The following SLC13A3 variants were observed in gnomAD, a reference collection of about 807,000 sequenced individuals.
The protein encoded by SLC13A3 is solute carrier family 13 member 3, also known as Na(+)/dicarboxylate cotransporter 3.
Under a neutral mutation model 59.0 loss-of-function variants are expected in SLC13A3, and 40 were observed. The ratio of observed to expected loss-of-function variants is 0.68; its 90% CI spans 0.53 to 0.88. SLC13A3 has a LOEUF of 0.88. SLC13A3 is among the 40% of genes least tolerant of loss of function. The pLI is 0.00. For synonymous variants in SLC13A3, 317 were observed against 330.3 expected (o/e 0.96, Z 0.44); for missense variants, 699 against 783.2 (o/e 0.89, Z 1.28).
At chr20:46,610,177 T>C (rs2062480121) in intron 3 of SLC13A3, among the ~76,000 whole-genome samples, 1 of 152,254 alleles carries the variant, frequency 6.6e-6, no homozygotes, top group African/African-American at 2.4e-5. Context: ...TTCATAGAGC[T>C]GTTTTGAGAG....
chr20:46,624,213 A>G (rs950199674), intron 1 of SLC13A3, among the ~76,000 whole-genome samples: 1 of 152,206 alleles, frequency 6.6e-6, no homozygotes, highest in African/African-American at 2.4e-5. Context: ...TCTCCAGAAA[A>G]TAACCTATCT....
chr20:46,655,512 T>C (rs149699705), upstream of SLC13A3, among the ~76,000 whole-genome samples: 6 of 147,744 alleles, frequency 4.1e-5, no homozygotes, highest in African/African-American at 1.5e-4. Flanking sequence ...ATATATAATA[T>C]ATATTTTTAT....
intron 1 of SLC13A3, among the ~76,000 whole-genome samples, chr20:46,636,000 T>C (rs1310747727): frequency 6.6e-6 from 1 of 152,162 alleles, no homozygotes; most frequent in East Asian, 1.9e-4. Flanking sequence ...GAACCCTCAG[T>C]TTCAGGAACT....
At chr20:46,647,072 T>C (rs1273169496) in intron 1 of SLC13A3, among the ~76,000 whole-genome samples, 5 of 152,018 alleles carry the variant, frequency 3.3e-5, no homozygotes, top group Non-Finnish European at 1.5e-5. Flanking sequence ...GACACCTTTG[T>C]GCAAATTAGA....
intron 4 of SLC13A3, among the ~76,000 whole-genome samples, chr20:46,596,723 T>C (rs954052364): frequency 6.6e-6 from 1 of 152,314 alleles, no homozygotes; most frequent in South Asian, 2.1e-4. Flanking sequence ...TGAAAAGGCA[T>C]GTCACAGTAC....
At chr20:46,622,586 C>T (rs532073111) in intron 1 of SLC13A3, among the ~76,000 whole-genome samples, 1 of 150,814 alleles carries the variant, frequency 6.6e-6, no homozygotes, top group Admixed American at 6.6e-5. Flanking sequence ...CAAATTTGCT[C>T]CTCTAACTCA....
intron 9 of SLC13A3, among the ~76,000 whole-genome samples, chr20:46,578,787 G>T (rs1310242145): frequency 6.6e-6 from 1 of 152,090 alleles, no homozygotes; most frequent in Non-Finnish European, 1.5e-5. Context: ...GTGTAGTGAG[G>T]GAAGGTTTCT....
intron 1 of SLC13A3, among the ~76,000 whole-genome samples, chr20:46,683,878 C>A (rs1405461274): frequency 6.6e-6 from 1 of 152,190 alleles, no homozygotes; most frequent in African/African-American, 2.4e-5. Flanking sequence ...ACTGGACCAG[C>A]TGGTTTCGGT....
rs972088598 is a variant in SLC13A3 at position 46,558,112 on chromosome 20, T to C, written c.*1910A>G. ...ACAGTGTCCTATTAAGGAGAAATTA[T>C]AGCAGAGTAAGGGGGTGGAGAGTAA... On this transcript the variant is annotated 3_prime_UTR_variant, in exon 13 of 13. Coordinates refer to ENST00000279027, the MANE Select transcript of SLC13A3 (RefSeq NM_022829.6). 4 of 151,780 alleles carry C rather than the reference T, an allele frequency of 2.6e-5. No homozygotes were observed. Among genetic ancestry groups the C allele is most frequent in the African/African-American group, 9.7e-5 (4 of 41,242 alleles). The allele number at this position is 151,780 out of a possible 1,614,324, so 9.4% of individuals were successfully genotyped here. A position where few individuals can be genotyped will look rare whatever the true frequency, so the allele number is the denominator to read the frequency against.
Position 46,588,095 on chromosome 20 carries a change from T to G in SLC13A3, c.1085A>C (p.Lys362Thr). The change falls in exon 8 of 13, where the codon AAG becomes ACG. Residue 362 changes from lysine to threonine, a missense_variant. Transcript: ENST00000279027. Reference sequence around the variant, plus strand: ...GAGGCTGGCCCAGCCAGGGATGAACTTCGGGTCCCGGGTGAAGAGGAGGAT... The same window carrying G: ...GAGGCTGGCCCAGCCAGGGATGAACGTCGGGTCCCGGGTGAAGAGGAGGAT... ...FAILLFTRDP[K>T]FIPGWASLFN... The G allele has an allele frequency of 6.2e-7, 1 of 1,612,722 alleles. No homozygotes were observed. The highest frequency in any genetic ancestry group is 8.5e-7 in the Non-Finnish European group (1 of 1,179,260).
intron 1 of SLC13A3, among the ~76,000 whole-genome samples, chr20:46,624,238 T>C (rs1397539486): frequency 1.3e-5 from 2 of 152,258 alleles, no homozygotes; most frequent in Non-Finnish European, 2.9e-5. Context: ...GCTCTAGTTC[T>C]TCCTCTCTTC....
At chr20:46,566,461 T>C (rs1440204118) in intron 10 of SLC13A3, 71 bp from the exon 11 acceptor site, 4 of 1,526,428 alleles carry the variant, frequency 2.6e-6, no homozygotes, top group East Asian at 2.3e-5. Context: ...AGGGTTAGGA[T>C]AGATCACAAC....
upstream of SLC13A3, among the ~76,000 whole-genome samples, chr20:46,674,604 C>CGCGCGCGCGTGT (rs370861850): frequency 7.4e-4 from 95 of 127,936 alleles, no homozygotes; most frequent in African/African-American, 2.9e-3. Context: ...CGCGCGCGCG[C>CGCGCGCGCGTGT]GTGTGTGTGT....
In SLC13A3 at chr20:46,592,547, A is replaced by G. The variant is rs927584794; in HGVS notation, c.795-18T>C. 6.2e-7 allele frequency: 1 copy of G among 1,612,858 alleles called. No individual in the cohort carries two copies. Among genetic ancestry groups the G allele is most frequent in the Non-Finnish European group, 8.5e-7 (1 of 1,179,184 alleles). ...GAAAGAAACTGGAGAACAGCGGGAG[A>G]TGAGAACAGGCCAAGGGCAGCCATG... On this transcript the variant is annotated intron_variant, in intron 5 of 12. Coordinates refer to ENST00000279027, the MANE Select transcript of SLC13A3 (RefSeq NM_022829.6).
rs2062949854 is a variant in SLC13A3, at chr20:46,651,341, C to T, written c.81G>A (p.Leu27=). 3 of 1,515,026 alleles carry T rather than the reference C, an allele frequency of 2.0e-6. No homozygotes were observed. Among genetic ancestry groups the T allele is most frequent in the South Asian group, 1.2e-5 (1 of 80,262 alleles). The allele number at this position is 1,515,026 out of a possible 1,614,324, so 93.8% of individuals were successfully genotyped here. A position where few individuals can be genotyped will look rare whatever the true frequency, so the allele number is the denominator to read the frequency against. The change falls in exon 1 of 13, where the codon CTG becomes CTA. Residue 27 remains leucine, a synonymous_variant. Coordinates refer to ENST00000279027, the MANE Select transcript of SLC13A3 (RefSeq NM_022829.6). ...LLVLLFTPLA[L]LPVVFALPPK... is the part of the protein sequence containing the mutation. ...GCGGGAGGGCGAAGACCACCGGCAG[C>T]AGCGCGAGCGGCGTGAACAGCAGCA...
chr20:46,625,625 C>A (rs781237350), intron 1 of SLC13A3, among the ~76,000 whole-genome samples: 2 of 152,320 alleles, frequency 1.3e-5, no homozygotes, highest in South Asian at 4.1e-4. Context: ...AGGTCAATTC[C>A]CACATCCTCT....
upstream of SLC13A3, among the ~76,000 whole-genome samples, chr20:46,653,273 A>G (rs904133665): frequency 9.2e-5 from 14 of 152,142 alleles, no homozygotes; most frequent in Non-Finnish European, 2.1e-4. Flanking sequence ...AAATTTATCA[A>G]ATTTTTCCTT....
intron 8 of SLC13A3, among the ~76,000 whole-genome samples, chr20:46,587,369 A>C (rs2062204959): frequency 6.6e-6 from 1 of 152,104 alleles, no homozygotes; most frequent in South Asian, 2.1e-4. Flanking sequence ...CAGAAAAAAA[A>C]CAAACCAAAA....
intron 1 of SLC13A3, among the ~76,000 whole-genome samples, chr20:46,669,108 C>T (rs2063076684): frequency 6.6e-6 from 1 of 152,196 alleles, no homozygotes; most frequent in South Asian, 2.1e-4. Flanking sequence ...CAATGATACA[C>T]ACTGCTACTC....
Sources: gnomAD v4.1 joint callset for allele counts (sites outside exome capture counted in the v4.1 genomes callset) on GRCh38, gnomAD v4.1.1 for gene constraint, MANE v1.5 for transcripts, NCBI Gene and HGNC (gene_info 2026-07-23, HGNC 2026-07-21) for gene names.